The following RNF121 variants were observed in gnomAD, a reference collection of about 807,000 sequenced individuals.
RNF121 encodes E3 ubiquitin ligase RNF121.
RNF121 carries 21 observed loss-of-function variants against 46.5 expected under a neutral mutation model. The observed-to-expected ratio is 0.45, with a 90% confidence interval of 0.32 to 0.65. The LOEUF is 0.65. Ranked by LOEUF, RNF121 falls within the 30% of genes least tolerant of loss-of-function variation. RNF121 has a pLI of 0.04. For missense variants in RNF121, 346 were observed against 416.0 expected, an observed-to-expected ratio of 0.83 and a Z score of 1.46; for synonymous variants, 139 against 144.7, an observed-to-expected ratio of 0.96 and a Z score of 0.28.
intron 3 of RNF121, among the ~76,000 whole-genome samples, chr11:71,968,549 G>A (rs565222856): frequency 6.6e-6 from 1 of 152,308 alleles, no homozygotes; most frequent in Admixed American, 6.5e-5. Flanking sequence ...CAAATCTGCT[G>A]TAGGTTAAAG....
chr11:71,991,057 T>C (rs1954854913), intron 6 of RNF121, among the ~76,000 whole-genome samples: 1 of 152,142 alleles, frequency 6.6e-6, no homozygotes. Flanking sequence ...CAGTAGGCAC[T>C]GGGGACTACA....
chr11:71,961,451 C>T (rs540262679), intron 3 of RNF121, among the ~76,000 whole-genome samples: 12 of 152,036 alleles, frequency 7.9e-5, no homozygotes, highest in Non-Finnish European at 1.8e-4. Context: ...GTCTCAGCTA[C>T]TGGGGAGGCT....
chr11:71,933,689 A>G (rs1276987092), intron 1 of RNF121, among the ~76,000 whole-genome samples: 4 of 152,194 alleles, frequency 2.6e-5, no homozygotes, highest in African/African-American at 9.7e-5. Context: ...ACCAAGCATT[A>G]TAAAATTGTC....
rs1320019153 is a variant in RNF121 at position 71,986,942 on chromosome 11, A to T, written c.399-62A>T. 12 of 947,862 alleles carry T rather than the reference A, an allele frequency of 1.3e-5. No individual in the cohort carries two copies. In the East Asian group the frequency reaches 2.6e-4, roughly 21 times the overall value. The allele number at this position is 947,862 out of a possible 1,614,324, so 58.7% of individuals were successfully genotyped here. ...GATGTGAGAATAAAGGATTCTGGTG[A>T]TCAGGACCATTAAGGCCAGAATCTC... On this transcript the variant is annotated intron_variant, in intron 4 of 8. Transcript: ENST00000361756.
intron 3 of RNF121, among the ~76,000 whole-genome samples, chr11:71,969,070 A>G (rs1449494950): frequency 3.3e-5 from 5 of 151,836 alleles, no homozygotes; most frequent in Middle Eastern, 3.4e-3. Flanking sequence ...ATTTTTTAGT[A>G]GAGACAGAGT....
intron 1 of RNF121, among the ~76,000 whole-genome samples, chr11:71,946,867 CTTTTTTTTTT>C (rs34778760): frequency 2.0e-5 from 2 of 98,406 alleles, no homozygotes; most frequent in South Asian, 3.8e-4. Context: ...TGCTCTGGCT[CTTTTTTTTTT>C]TTTTTTTTTT....
Position 71,990,612 on chromosome 11 carries a change from T to C in RNF121, c.522T>C (p.Asp174=). The stretch of plus-strand genomic sequence containing the variant: ...TCCCTTGCAGGATCAAACCAGAAGA[T>C]GCCATGGACTTTGGCATCTCCCTTC... ...LNLLFKIKPE[D]AMDFGISLLF... is the part of the protein sequence containing the mutation. The change falls in exon 6 of 9, where the codon GAT becomes GAC. Residue 174 remains aspartate (D), a synonymous_variant. Transcript: ENST00000361756. 1 of 1,614,098 alleles carries C rather than the reference T, an allele frequency of 6.2e-7. No homozygotes were observed. Among genetic ancestry groups the C allele is most frequent in the Non-Finnish European group, 8.5e-7 (1 of 1,179,980 alleles).
intron 1 of RNF121, among the ~76,000 whole-genome samples, chr11:71,941,638 T>G (rs1953571324): frequency 6.6e-6 from 1 of 152,072 alleles, no homozygotes; most frequent in Non-Finnish European, 1.5e-5. Context: ...TTAAATAGGG[T>G]GATTATGGAA....
At chr11:71,970,208 A>G (rs1447278226) in intron 3 of RNF121, among the ~76,000 whole-genome samples, 2 of 152,206 alleles carry the variant, frequency 1.3e-5, no homozygotes, top group Non-Finnish European at 2.9e-5. Context: ...AATGATGGCT[A>G]GGGAGTAGGG....
chr11:71,994,598 C>A, intron 6 of RNF121, 121 bp from the exon 7 acceptor site: 2 of 1,121,532 alleles, frequency 1.8e-6, no homozygotes, highest in Non-Finnish European at 2.6e-6. Context: ...TGTCCTCTAA[C>A]TCTGGGCCTC....
At chr11:71,929,256 T>A in intron 1 of RNF121, 132 bp downstream of exon 1, 1 of 1,403,222 alleles carries the variant, frequency 7.1e-7, no homozygotes, top group Non-Finnish European at 9.4e-7. Context: ...AGGGGGCGGG[T>A]GCGTGGAGAG....
At chr11:71,979,902 C>T (rs1444310909) in intron 3 of RNF121, among the ~76,000 whole-genome samples, 1 of 152,170 alleles carries the variant, frequency 6.6e-6, no homozygotes, top group Non-Finnish European at 1.5e-5. Context: ...GTAAACAGCC[C>T]CATGAGCCTG....
intron 1 of RNF121, among the ~76,000 whole-genome samples, chr11:71,947,675 G>C (rs1382219457): frequency 1.3e-5 from 2 of 152,194 alleles, no homozygotes; most frequent in Non-Finnish European, 2.9e-5. Context: ...GAAGTCCTTT[G>C]TGTGTCCTAC....
At chr11:71,971,772 A>T (rs1250817039) in intron 3 of RNF121, among the ~76,000 whole-genome samples, 1 of 152,246 alleles carries the variant, frequency 6.6e-6, no homozygotes, top group Non-Finnish European at 1.5e-5. Context: ...AGAAAGCTGA[A>T]TAGTGCCAAG....
At chr11:71,978,030 C>T (rs1292506528) in intron 3 of RNF121, 3 of 281,984 alleles carry the variant, frequency 1.1e-5, no homozygotes, top group African/African-American at 7.0e-5. Context: ...AAGCAAAATG[C>T]CAATAAATTC....
intron 3 of RNF121, among the ~76,000 whole-genome samples, chr11:71,979,779 A>C (rs1000098381): frequency 2.0e-5 from 3 of 152,224 alleles, no homozygotes; most frequent in Admixed American, 2.0e-4. Flanking sequence ...GTTTTAATGC[A>C]ACAGCCAAGT....
chr11:71,995,573 G>T, intron 8 of RNF121, 22 bp downstream of exon 8: 3 of 1,548,948 alleles, frequency 1.9e-6, no homozygotes, highest in Non-Finnish European at 2.6e-6. Context: ...TGGGGTCGTT[G>T]TTGGGAGTGG....
intron 6 of RNF121, 59 bp downstream of exon 6, chr11:71,990,776 A>T: frequency 6.3e-7 from 1 of 1,597,044 alleles, no homozygotes; most frequent in Non-Finnish European, 8.5e-7. Context: ...GCTCAAGTTG[A>T]TGTCACTTGT....
intron 1 of RNF121, among the ~76,000 whole-genome samples, chr11:71,931,124 C>T (rs1422881012): frequency 1.3e-5 from 2 of 152,132 alleles, no homozygotes; most frequent in South Asian, 2.1e-4. Flanking sequence ...TGTGAGTCAC[C>T]GCGCCCGGCT....
Sources: gnomAD v4.1 joint callset for allele counts (sites outside exome capture counted in the v4.1 genomes callset) on GRCh38, gnomAD v4.1.1 for gene constraint, MANE v1.5 for transcripts, NCBI Gene and HGNC (gene_info 2026-07-23, HGNC 2026-07-21) for gene names.